Variants in TROAP observed in about 807,000 individuals in gnomAD.
TROAP encodes tastin.
In TROAP, 62 loss-of-function variants were observed where a neutral mutation model predicts 83.4. The ratio of observed to expected loss-of-function variants is 0.74; its 90% CI spans 0.61 to 0.92. The LOEUF (loss-of-function observed/expected upper bound fraction) is 0.92, where lower values mean the gene tolerates loss of function less well. TROAP is among the 40% of genes least tolerant of loss of function. TROAP has a pLI of 0.00. For missense variants in TROAP, 876 were observed against 985.1 expected, an observed-to-expected ratio of 0.89 and a Z score of 1.48; for synonymous variants, 352 against 386.4, an observed-to-expected ratio of 0.91 and a Z score of 1.04.
chr12:49,329,987 T>C lies in TROAP; in HGVS notation c.1295T>C (p.Ile432Thr). Residue 432 changes from isoleucine (I) to threonine (T), a missense_variant, in exon 12 of 15, where the codon ATT (isoleucine) becomes ACT (threonine). By Grantham distance (89) the Ile-to-Thr change is moderately conservative. Around this residue, in one of 3 missense-constraint regions of TROAP, gnomAD observed 689 missense variants for 722.6 expected, o/e 0.95. Transcript: ENST00000257909. The surrounding 1 kb of genome is among the most constrained non-coding windows in gnomAD (Gnocchi z 4.5). ...ACCCCCAGCCTCCAGGAGGTGAAGA[T>C]TCAAGTGAGTCTGTGTGGCCAACAG... Reference protein sequence around the residue: ...NRTPSLQEVKIQRIGILQQLL... With the variant: ...NRTPSLQEVKTQRIGILQQLL... 6.2e-7 allele frequency: 1 copy of C among 1,614,028 alleles called. No homozygotes were observed. The highest frequency in any genetic ancestry group is 1.1e-5 in the South Asian group (1 of 91,074).
Position 49,327,281 on chromosome 12 carries a change from T to C in TROAP, c.842T>C (p.Leu281Pro). Residue 281 changes from leucine (L) to proline (P), a missense_variant, in exon 8 of 15, where the codon CTG becomes CCG. This residue lies in a region of TROAP where 689 missense variants were observed against 722.6 expected (regional missense o/e 0.95). Coordinates refer to ENST00000257909, the MANE Select transcript of TROAP (RefSeq NM_005480.4). ...SDEGGVASLG[L>P]AQRVPLRENR... ...GAAGGAGGTGTGGCCTCTCTTGGTC[T>C]GGCCCAGCGAGTACCATTAAGAGAA... is the stretch of plus-strand genomic sequence containing the variant. 6.2e-7 allele frequency: 1 copy of C among 1,614,206 alleles called. No individual in the cohort carries two copies. Among genetic ancestry groups the C allele is most frequent in the Non-Finnish European group, 8.5e-7 (1 of 1,180,032 alleles).
chr12:49,327,721 G>A (rs1943521754), intron 8 of TROAP, among the ~76,000 whole-genome samples: 1 of 152,102 alleles, frequency 6.6e-6, no homozygotes, highest in East Asian at 1.9e-4. Context: ...ATTCTAGAAG[G>A]GGGAGACAAG....
chr12:49,327,264 T>G lies in TROAP; in HGVS notation c.825T>G (p.Gly275=), dbSNP rs1357416003. The G allele has an allele frequency of 1.2e-6, 2 of 1,614,116 alleles. No homozygotes were observed. The highest frequency in any genetic ancestry group is 1.7e-6 in the Non-Finnish European group (2 of 1,179,998). ...REVVTHSDEG[G]VASLGLAQRV... Reference sequence around the variant, plus strand: ...TTGTCACTCACTCAGATGAAGGAGGTGTGGCCTCTCTTGGTCTGGCCCAGC... The same window carrying G: ...TTGTCACTCACTCAGATGAAGGAGGGGTGGCCTCTCTTGGTCTGGCCCAGC... The change falls in exon 8 of 15, where the codon GGT becomes GGG. Residue 275 remains glycine, a synonymous_variant. Transcript: ENST00000257909.
Position 49,325,999 on chromosome 12 carries a change from G to A in TROAP, c.634-77G>A, listed in dbSNP as rs79232942. 3,344 of 1,606,058 alleles carry A rather than the reference G, an allele frequency of 2.1e-3. 9 individuals are homozygous for A. Among genetic ancestry groups the A allele is most frequent in the Non-Finnish European group, 2.6e-3 (3,049 of 1,174,300 alleles). On this transcript the variant is annotated intron_variant, in intron 5 of 14. Coordinates refer to ENST00000257909, the MANE Select transcript of TROAP (RefSeq NM_005480.4). Reference sequence around the variant, plus strand: ...TGAGGCAAGGGATCCTACTGGGGGAGATGGGGTTGGTGGTGAGGCCTGAGG... The same window carrying A: ...TGAGGCAAGGGATCCTACTGGGGGAAATGGGGTTGGTGGTGAGGCCTGAGG...
chr12:49,326,631 T>A, intron 6 of TROAP, 37 bp from the exon 7 acceptor site: 8 of 1,548,184 alleles, frequency 5.2e-6, no homozygotes, highest in Non-Finnish European at 7.0e-6. Context: ...ATACTTGGTA[T>A]TCAGTGACTG....
Position 49,330,419 on chromosome 12 carries a change from C to A in TROAP, c.1574C>A (p.Ala525Asp), listed in dbSNP as rs142981834. The change falls in exon 13 of 15, where the codon GCC (alanine) becomes GAC (aspartate). Residue 525 changes from alanine (A) to aspartate (D), a missense_variant. This residue lies in a region of TROAP where 689 missense variants were observed against 722.6 expected (regional missense o/e 0.95). Transcript: ENST00000257909. ...CPPAEPGPPE[A>D]FCRSEPEIPE... ...CCGGCAGAGCCTGGGCCCCCAGAGG[C>A]CTTCTGTAGGAGTGAGCCTGAGATA... 6.9e-5 allele frequency: 112 copies of A among 1,614,070 alleles called. No individual in the cohort carries two copies. The highest frequency in any genetic ancestry group is 9.2e-5 in the Non-Finnish European group (109 of 1,180,014).
intron 6 of TROAP, among the ~76,000 whole-genome samples, chr12:49,326,424 CTAGAG>C (rs1478261145): frequency 6.6e-6 from 1 of 152,152 alleles, no homozygotes; most frequent in Non-Finnish European, 1.5e-5. Context: ...TGTTTAGTGG[CTAGAG>C]TATAGACTGT....
intron 3 of TROAP, 91 bp downstream of exon 3, chr12:49,324,128 C>T (rs1245024738): frequency 1.2e-6 from 2 of 1,613,998 alleles, no homozygotes; most frequent in Middle Eastern, 1.6e-4. Context: ...TGCACTCACT[C>T]CTGCTGTCTC....
intron 7 of TROAP, 125 bp downstream of exon 7, chr12:49,326,845 C>T: frequency 1.9e-6 from 2 of 1,078,634 alleles, no homozygotes; most frequent in Non-Finnish European, 2.7e-6. Context: ...GAGGCTAGGT[C>T]AGAAGGAGAA....
In TROAP at chr12:49,329,074, G is replaced by A. The variant is rs202077256; in HGVS notation, c.1020+19G>A. The stretch of plus-strand genomic sequence containing the variant: ...AACTCTGGTTTGTGTCAACAACTGG[G>A]GGCTGGGCAGGGGCAGAACAGTCTG... On this transcript the variant is annotated intron_variant, in intron 9 of 14. Transcript: ENST00000257909. This position sits in a 1 kb window ranked among gnomAD's most constrained non-coding sequence, Gnocchi z 4.5. The A allele has an allele frequency of 9.9e-6, 16 of 1,612,934 alleles. No individual in the cohort carries two copies. The Middle Eastern group carries it at 6.6e-4, about 67-fold the overall frequency.
At position 49,329,027 on chromosome 12, in the gene TROAP, G is replaced by T. The variant is rs139479639; in HGVS notation, c.992G>T (p.Arg331Leu). Reference sequence around the variant, plus strand: ...CCATCACCCTTTGGACGGGCTCAGCGTGTACCCTCCCCAGGCCCTCCAACT... The same window carrying T: ...CCATCACCCTTTGGACGGGCTCAGCTTGTACCCTCCCCAGGCCCTCCAACT... ...PCPSPFGRAQRVPSPGPPTLT... is the reference protein window; with the variant it reads ...PCPSPFGRAQLVPSPGPPTLT... The change falls in exon 9 of 15, where the codon CGT becomes CTT. Residue 331 changes from arginine to leucine, a missense_variant. Arg to Leu is a moderately radical substitution (Grantham distance 102). This residue lies in a region of TROAP where 689 missense variants were observed against 722.6 expected (regional missense o/e 0.95). Transcript: ENST00000257909. This position sits in a 1 kb window ranked among gnomAD's most constrained non-coding sequence, Gnocchi z 4.5. 6.2e-7 allele frequency: 1 copy of T among 1,611,550 alleles called. No homozygotes were observed. The highest frequency in any genetic ancestry group is 2.2e-5 in the East Asian group (1 of 44,874).
chr12:49,327,068 G>C, intron 7 of TROAP, 141 bp from the exon 8 acceptor site: 1 of 1,012,260 alleles, frequency 9.9e-7, no homozygotes, highest in East Asian at 2.4e-5. Flanking sequence ...TGGGTGTTGA[G>C]GGGCTGCTGG....
chr12:49,329,336 G>C lies in TROAP; in HGVS notation c.1105-59G>C, dbSNP rs895604878. The C allele has an allele frequency of 1.4e-5, 22 of 1,612,934 alleles. No individual in the cohort carries two copies. In the African/African-American group the frequency reaches 2.7e-4, roughly 20 times the overall value. ...ACAGGAGAGAGAAGACAGAAGCAAG[G>C]GGAGGCTGAGTGCCATCTGTGGGTG... On this transcript the variant is annotated intron_variant, in intron 10 of 14. Coordinates refer to ENST00000257909, the MANE Select transcript of TROAP (RefSeq NM_005480.4). This position sits in a 1 kb window ranked among gnomAD's most constrained non-coding sequence, Gnocchi z 4.5.
rs752154950 is a variant in TROAP at position 49,330,451 on chromosome 12, C to T, written c.1606C>T (p.Pro536Ser). The T allele has an allele frequency of 2.5e-6, 4 of 1,613,984 alleles. No homozygotes were observed. The highest frequency in any genetic ancestry group is 3.3e-5 in the Admixed American group (2 of 60,008). The change falls in exon 13 of 15, where the codon CCC (proline) becomes TCC (serine). Residue 536 changes from proline (P) to serine (S), a missense_variant. Around this residue, in one of 3 missense-constraint regions of TROAP, gnomAD observed 689 missense variants for 722.6 expected, o/e 0.95. Transcript: ENST00000257909. ...TAGGAGTGAGCCTGAGATACCAGAG[C>T]CCTCCCTCCAGGAACAGCTTGAAGT... ...FCRSEPEIPE[P>S]SLQEQLEVPE...
In TROAP at chr12:49,329,770, A is replaced by C. The variant is rs948528051; in HGVS notation, c.1165-87A>C. 6.5e-7 allele frequency: 1 copy of C among 1,544,950 alleles called. No individual in the cohort carries two copies. Among genetic ancestry groups the C allele is most frequent in the Non-Finnish European group, 8.7e-7 (1 of 1,144,116 alleles). On this transcript the variant is annotated intron_variant, in intron 11 of 14. Transcript: ENST00000257909. This position sits in a 1 kb window ranked among gnomAD's most constrained non-coding sequence, Gnocchi z 4.5. Reference sequence around the variant, plus strand: ...CTAGGGCCTCTCAGTTAGGGGCTTCAATCCATTCCTCATGAGGGTGGGACT... The same window carrying C: ...CTAGGGCCTCTCAGTTAGGGGCTTCCATCCATTCCTCATGAGGGTGGGACT...
At chr12:49,327,462 G>A (rs1326185913) in intron 8 of TROAP, 132 bp downstream of exon 8, 1 of 1,290,382 alleles carries the variant, frequency 7.7e-7, no homozygotes, top group Non-Finnish European at 1.1e-6. Context: ...TTACTGGGTA[G>A]GTTTACCCCA....
intron 14 of TROAP, 75 bp downstream of exon 14, chr12:49,331,482 C>G: frequency 6.2e-7 from 1 of 1,610,024 alleles, no homozygotes; most frequent in South Asian, 1.1e-5. Context: ...GGACAGGGGG[C>G]CACCTGGGCT....
chr12:49,323,546 G>T, intron 1 of TROAP, 58 bp from the exon 2 acceptor site: 1 of 1,584,160 alleles, frequency 6.3e-7, no homozygotes, highest in Non-Finnish European at 8.6e-7. Context: ...GGTGCCCCGA[G>T]AACTGGTTGA....
chr12:49,325,454 C>G, intron 3 of TROAP, 47 bp from the exon 4 acceptor site: 1 of 1,581,396 alleles, frequency 6.3e-7, no homozygotes, highest in Non-Finnish European at 8.6e-7. Context: ...GGGGCCCTAT[C>G]CCCCTCAGCC....
Sources: gnomAD v4.1 joint callset for allele counts (sites outside exome capture counted in the v4.1 genomes callset) on GRCh38, gnomAD v4.1.1 for gene constraint, gnomAD v4.1.1 regional missense constraint, Gnocchi (gnomAD v3.1) non-coding constraint, MANE v1.5 for transcripts, NCBI Gene and HGNC (gene_info 2026-07-23, HGNC 2026-07-21) for gene names.